GRIK3: variants seen among roughly 807,000 people sequenced by gnomAD.
The protein encoded by GRIK3 is glutamate ionotropic receptor kainate type subunit 3, also known as glutamate receptor ionotropic, kainate 3.
GRIK3 carries 29 observed loss-of-function variants against 102.5 expected under a neutral mutation model. The ratio of observed to expected loss-of-function variants is 0.28; its 90% confidence interval spans 0.21 to 0.39. GRIK3 has a LOEUF of 0.39. Among genes scored for constraint, GRIK3 ranks in the 10% least tolerant of loss-of-function variants. GRIK3 has a pLI of 1.00. For synonymous variants in GRIK3, 511 were observed against 504.9 expected (o/e 1.01, Z -0.16); for missense variants, 908 against 1,252.4 (o/e 0.73, Z 4.15).
At chr1:36,816,220 C>T (rs962775925) in intron 13 of GRIK3, among the ~76,000 whole-genome samples, 13 of 152,146 alleles carry the variant, frequency 8.5e-5, no homozygotes, top group African/African-American at 2.7e-4. Flanking sequence ...AGTTTCCACA[C>T]GTGTAAAGTA....
At chr1:36,855,340 C>T (rs980018128) in intron 7 of GRIK3, among the ~76,000 whole-genome samples, 58 of 152,242 alleles carry the variant, frequency 3.8e-4, no homozygotes, top group African/African-American at 1.2e-3. Context: ...CCCATGCATA[C>T]ACTCACAGTT....
intron 10 of GRIK3, among the ~76,000 whole-genome samples, chr1:36,829,049 A>C (rs903792174): frequency 2.6e-5 from 4 of 152,240 alleles, no homozygotes; most frequent in Non-Finnish European, 5.9e-5. Context: ...ACAACTGGCC[A>C]ATATGACCTT....
intron 11 of GRIK3, among the ~76,000 whole-genome samples, chr1:36,821,754 G>A (rs1557692703): frequency 6.6e-6 from 1 of 152,202 alleles, no homozygotes; most frequent in Non-Finnish European, 1.5e-5. Flanking sequence ...TGTGGGGAGT[G>A]GGCCATGAAG....
chr1:36,964,164 C>T (rs972123894), intron 1 of GRIK3, among the ~76,000 whole-genome samples: 4 of 152,208 alleles, frequency 2.6e-5, no homozygotes, highest in South Asian at 2.1e-4. Context: ...CACAGCTGGG[C>T]GAGGTCTGGC....
In GRIK3 at chr1:37,034,321, A is replaced by G. The variant is rs1642864045; in HGVS notation, c.-213T>C. On this transcript the variant is annotated 5_prime_UTR_variant, in exon 1 of 16. Coordinates refer to ENST00000373091, the MANE Select transcript of GRIK3 (RefSeq NM_000831.4). ...CGCCCGCCCCGCCTGGCTGCCGCCC[A>G]CGGGCTGCCCGCGAGCGAGGCTCCT... Among the ~76,000 whole-genome samples the G allele has an allele frequency of 6.7e-6, 1 of 149,380 alleles. No individual in the cohort carries two copies. The highest frequency in any genetic ancestry group is 2.4e-5 in the African/African-American group (1 of 40,902).
chr1:36,965,740 C>T (rs1557444508), intron 1 of GRIK3, among the ~76,000 whole-genome samples: 1 of 152,310 alleles, frequency 6.6e-6, no homozygotes, highest in Non-Finnish European at 1.5e-5. Flanking sequence ...GGAGGTTAAA[C>T]GTTCTCTGTG....
chr1:36,796,717 G>C lies in GRIK3; in HGVS notation c.*5134C>G, dbSNP rs1261115872. On this transcript the variant is annotated 3_prime_UTR_variant, in exon 16 of 16. Coordinates refer to ENST00000373091, the MANE Select transcript of GRIK3 (RefSeq NM_000831.4). ...GCTGTGTTGTGTGCAAGTTGTGACT[G>C]CTTCTGCATGTGGGTGAGAATCAGA... is the stretch of plus-strand genomic sequence containing the variant. 6.6e-6 allele frequency: 1 copy of C among 152,252 alleles called. No individual in the cohort carries two copies. The highest frequency in any genetic ancestry group is 1.5e-5 in the Non-Finnish European group (1 of 68,064). 9.4% of individuals were successfully genotyped at this position (152,252 alleles called of 1,614,324 possible).
At chr1:37,006,445 T>C (rs543420993) in intron 1 of GRIK3, among the ~76,000 whole-genome samples, 7 of 152,258 alleles carry the variant, frequency 4.6e-5, no homozygotes, top group Admixed American at 2.6e-4. Flanking sequence ...CTGCACTTTG[T>C]TTCAAAATCA....
chr1:36,964,571 T>G (rs1230028816), intron 1 of GRIK3, among the ~76,000 whole-genome samples: 1 of 152,228 alleles, frequency 6.6e-6, no homozygotes, highest in African/African-American at 2.4e-5. Flanking sequence ...CATGTTCATC[T>G]TTTATAGTTT....
At chr1:36,828,823 T>G (rs1642783236) in intron 10 of GRIK3, among the ~76,000 whole-genome samples, 1 of 152,106 alleles carries the variant, frequency 6.6e-6, no homozygotes, top group African/African-American at 2.4e-5. Flanking sequence ...GATAAGAGAG[T>G]TATGGCTGGG....
intron 10 of GRIK3, among the ~76,000 whole-genome samples, chr1:36,832,782 C>T (rs1339117685): frequency 6.6e-6 from 1 of 152,214 alleles, no homozygotes; most frequent in Non-Finnish European, 1.5e-5. Flanking sequence ...GTTGGAGGCA[C>T]CATGGACTCC....
intron 13 of GRIK3, among the ~76,000 whole-genome samples, chr1:36,811,235 T>C (rs1011579008): frequency 1.3e-5 from 2 of 152,120 alleles, no homozygotes; most frequent in African/African-American, 4.8e-5. Flanking sequence ...AGTTTTCTCA[T>C]CTAGAAACTG....
At chr1:36,920,031 G>A (rs1641449373) in intron 1 of GRIK3, among the ~76,000 whole-genome samples, 1 of 152,208 alleles carries the variant, frequency 6.6e-6, no homozygotes. Flanking sequence ...CCCAGGCTCA[G>A]CTCTGCCAAG....
At chr1:36,944,606 G>A (rs911225907) in intron 1 of GRIK3, among the ~76,000 whole-genome samples, 1 of 152,114 alleles carries the variant, frequency 6.6e-6, no homozygotes, top group Admixed American at 6.5e-5. Context: ...GGAGACTTGG[G>A]GTAAGGGTTG....
chr1:36,858,024 C>T (rs1420259645), intron 7 of GRIK3, among the ~76,000 whole-genome samples: 1 of 152,194 alleles, frequency 6.6e-6, no homozygotes, highest in East Asian at 1.9e-4. Context: ...GGCTTCATTT[C>T]CGGCCCGCTG....
intron 1 of GRIK3, among the ~76,000 whole-genome samples, chr1:37,002,772 G>A (rs778616579): frequency 4.7e-5 from 7 of 149,982 alleles, no homozygotes; most frequent in African/African-American, 1.5e-4. Context: ...TCTGCCTCCC[G>A]GGTTCAAGTA....
chr1:36,863,427 T>C (rs1211395061), intron 5 of GRIK3, among the ~76,000 whole-genome samples: 1 of 152,186 alleles, frequency 6.6e-6, no homozygotes, highest in Non-Finnish European at 1.5e-5. Flanking sequence ...AATTCCTTAG[T>C]ACAGTTTTCC....
At chr1:36,827,894 C>A (rs575324598) in intron 10 of GRIK3, among the ~76,000 whole-genome samples, 24 of 152,172 alleles carry the variant, frequency 1.6e-4, no homozygotes, top group African/African-American at 5.5e-4. Context: ...GATTTGATGA[C>A]CTTCAGAACC....
At chr1:36,893,351 C>T (rs530979972) in intron 1 of GRIK3, among the ~76,000 whole-genome samples, 84 of 151,986 alleles carry the variant, frequency 5.5e-4, no homozygotes, top group Non-Finnish European at 8.5e-4. Context: ...ACGAATACTC[C>T]CATAGAAAAA....
Sources: allele counts gnomAD v4.1 joint callset (sites outside exome capture counted in the v4.1 genomes callset), GRCh38; gene constraint gnomAD v4.1.1; transcripts MANE v1.5; gene names NCBI Gene and HGNC (gene_info 2026-07-23, HGNC 2026-07-21).